CNNM1: variants seen among roughly 807,000 people sequenced by gnomAD.
CNNM1 encodes cyclin and CBS domain divalent metal cation transport mediator 1.
In CNNM1, 44 loss-of-function variants were observed where a neutral mutation model predicts 78.8. The ratio of observed to expected loss-of-function variants is 0.56; its 90% CI spans 0.44 to 0.72. The LOEUF is 0.72. Ranked by LOEUF, CNNM1 falls within the 30% of genes least tolerant of loss-of-function variation. The probability of loss-of-function intolerance (pLI) is 0.00; values close to 1 mark genes in which losing one functional copy is unlikely to be tolerated. For synonymous variants in CNNM1, 584 were observed against 581.5 expected, an observed-to-expected ratio of 1.00 and a Z score of -0.06; for missense variants, 1,101 against 1,292.2, an observed-to-expected ratio of 0.85 and a Z score of 2.27.
chr10:99,343,956 C>T (rs1427261414), intron 1 of CNNM1, among the ~76,000 whole-genome samples: 1 of 150,958 alleles, frequency 6.6e-6, no homozygotes, highest in Non-Finnish European at 1.5e-5. Context: ...CTCCTGACCT[C>T]AGGTGATCAG....
At chr10:99,357,214 T>C (rs2031252946) in intron 1 of CNNM1, among the ~76,000 whole-genome samples, 1 of 152,182 alleles carries the variant, frequency 6.6e-6, no homozygotes, top group Non-Finnish European at 1.5e-5. Context: ...AATTAGTATA[T>C]ATTATATCAG....
chr10:99,365,232 T>C (rs937697022), intron 6 of CNNM1: 23 of 625,210 alleles, frequency 3.7e-5, no homozygotes, highest in African/African-American at 5.5e-5. Flanking sequence ...GCTCACATGG[T>C]TGGGGGGATG....
At chr10:99,350,826 C>A (rs1202689196) in intron 1 of CNNM1, among the ~76,000 whole-genome samples, 1 of 151,558 alleles carries the variant, frequency 6.6e-6, no homozygotes, top group Admixed American at 6.6e-5. Flanking sequence ...CCAGGGCTTT[C>A]GACCTCAATA....
intron 2 of CNNM1, among the ~76,000 whole-genome samples, chr10:99,358,688 C>G (rs563760292): frequency 2.0e-5 from 3 of 152,206 alleles, no homozygotes; most frequent in Non-Finnish European, 4.4e-5. Flanking sequence ...AGAGCCTGGG[C>G]ACTGCTGTGC....
chr10:99,379,882 C>T (rs1048235389), intron 7 of CNNM1, among the ~76,000 whole-genome samples: 3 of 152,154 alleles, frequency 2.0e-5, no homozygotes, highest in Admixed American at 1.3e-4. Context: ...ATTTATTTCT[C>T]ACCATTCTGG....
rs757486923 is a variant in CNNM1, at chr10:99,364,494, C to T, written c.2106C>T (p.Ala702=). 6.2e-7 allele frequency: 1 copy of T among 1,611,756 alleles called. No homozygotes were observed. The highest frequency in any genetic ancestry group is 8.5e-7 in the Non-Finnish European group (1 of 1,179,014). The part of the protein sequence containing the change: ...NGAFTYYGVP[A]IMTTACSDND... ...CCTTTACTTACTATGGCGTCCCAGCCATCATGACCACTGCTTGCTCAGGTA... is the reference window on the plus strand; with the variant it reads ...CCTTTACTTACTATGGCGTCCCAGCTATCATGACCACTGCTTGCTCAGGTA... Residue 702 remains alanine, a synonymous_variant, in exon 5 of 11, where the codon GCC becomes GCT. Transcript: ENST00000356713.
chr10:99,342,777 C>G (rs1226923816), intron 1 of CNNM1, among the ~76,000 whole-genome samples: 1 of 151,932 alleles, frequency 6.6e-6, no homozygotes, highest in Non-Finnish European at 1.5e-5. Context: ...ATTAGGAGCT[C>G]AGAGCCCTTT....
chr10:99,362,502 G>A, intron 4 of CNNM1, 106 bp downstream of exon 4: 1 of 1,224,584 alleles, frequency 8.2e-7, no homozygotes, highest in Non-Finnish European at 1.1e-6. Context: ...TTGGCTGGCT[G>A]CCTCAGCAAC....
intron 7 of CNNM1, among the ~76,000 whole-genome samples, chr10:99,386,909 G>A (rs774320735): frequency 3.3e-5 from 5 of 152,212 alleles, no homozygotes; most frequent in Non-Finnish European, 5.9e-5. Context: ...GTGAAGGAGG[G>A]ATGAAAACGC....
At position 99,390,340 on chromosome 10, in the gene CNNM1, T is replaced by C. The variant is rs2032437051; in HGVS notation, c.2709T>C (p.Asp903=). The change falls in exon 10 of 11, where the codon GAT becomes GAC. Residue 903 remains aspartate, a synonymous_variant. Transcript: ENST00000356713. ...GTGAATGTTGTAACATCAACCTGGA[T>C]ACAGAGACCAGCCCCTGCAGTAGCG... ...SDSECCNINL[D]TETSPCSSDF... is the part of the protein sequence containing the mutation. 3.7e-6 allele frequency: 6 copies of C among 1,613,320 alleles called. No homozygotes were observed. Among genetic ancestry groups the C allele is most frequent in the Non-Finnish European group, 5.1e-6 (6 of 1,179,660 alleles).
intron 1 of CNNM1, among the ~76,000 whole-genome samples, chr10:99,356,408 G>A (rs551799303): frequency 4.6e-5 from 7 of 151,614 alleles, no homozygotes; most frequent in East Asian, 3.9e-4. Context: ...CCCGGAAGGC[G>A]GAGGTTGCAG....
chr10:99,393,554 A>G lies in CNNM1; in HGVS notation c.*2038A>G, dbSNP rs971858964. 1.3e-5 allele frequency: 2 copies of G among 152,656 alleles called. No individual in the cohort carries two copies. The highest frequency in any genetic ancestry group is 4.8e-5 in the African/African-American group (2 of 41,450). The allele number at this position is 152,656 out of a possible 1,614,324, so 9.5% of individuals were successfully genotyped here. On this transcript the variant is annotated 3_prime_UTR_variant, in exon 11 of 11. Transcript: ENST00000356713. ...AAACACTACTATTTTAAATAGTGGA[A>G]CTTTCAGCCCAGCGTTTCTGCAATG... is the stretch of plus-strand genomic sequence containing the variant.
At chr10:99,373,179 T>A (rs1215436957) in intron 6 of CNNM1, among the ~76,000 whole-genome samples, 1 of 152,202 alleles carries the variant, frequency 6.6e-6, no homozygotes, top group African/African-American at 2.4e-5. Flanking sequence ...CCCTGTTGTC[T>A]TCCCTGAACA....
chr10:99,362,152 C>T, intron 3 of CNNM1, 75 bp from the exon 4 acceptor site: 2 of 1,401,224 alleles, frequency 1.4e-6, no homozygotes, highest in South Asian at 2.9e-5. Flanking sequence ...ACTCTGACTC[C>T]TCCCAGCTGC....
intron 7 of CNNM1, among the ~76,000 whole-genome samples, chr10:99,379,376 G>C (rs1212192627): frequency 6.6e-6 from 1 of 152,184 alleles, no homozygotes; most frequent in Non-Finnish European, 1.5e-5. Flanking sequence ...TCAGTGATTG[G>C]GCAGAGAAGG....
chr10:99,335,724 A>G (rs778817122), intron 1 of CNNM1, among the ~76,000 whole-genome samples: 7 of 152,206 alleles, frequency 4.6e-5, no homozygotes, highest in South Asian at 2.1e-4. Flanking sequence ...AGAAAATAGC[A>G]TAGACTGGTG....
At chr10:99,377,960 C>CTTTT (rs66722952) in intron 7 of CNNM1, among the ~76,000 whole-genome samples, 5 of 89,644 alleles carry the variant, frequency 5.6e-5, no homozygotes, top group South Asian at 8.1e-4. Flanking sequence ...TCCATAGGTT[C>CTTTT]TTTTTTTTTT....
chr10:99,340,030 A>G (rs2030369584), intron 1 of CNNM1, among the ~76,000 whole-genome samples: 1 of 152,218 alleles, frequency 6.6e-6, no homozygotes, highest in Non-Finnish European at 1.5e-5. Flanking sequence ...AATTAGTAAA[A>G]TTTGTAATGA....
chr10:99,394,289 T>A lies in CNNM1; in HGVS notation c.*2773T>A, dbSNP rs2032558811. 1 of 152,250 alleles carries A rather than the reference T, an allele frequency of 6.6e-6. No individual in the cohort carries two copies. The highest frequency in any genetic ancestry group is 1.5e-5 in the Non-Finnish European group (1 of 68,034). 9.4% of individuals were successfully genotyped at this position (152,250 alleles called of 1,614,324 possible). On this transcript the variant is annotated 3_prime_UTR_variant, in exon 11 of 11. Transcript: ENST00000356713. Reference sequence around the variant, plus strand: ...AAGCATTTATGAAGGCTTAATAAATTGTAAATAATTTTTAAATAAAATGAA... The same window carrying A: ...AAGCATTTATGAAGGCTTAATAAATAGTAAATAATTTTTAAATAAAATGAA...
Sources: gnomAD v4.1 joint callset for allele counts (sites outside exome capture counted in the v4.1 genomes callset) on GRCh38, gnomAD v4.1.1 for gene constraint, MANE v1.5 for transcripts, NCBI Gene and HGNC (gene_info 2026-07-23, HGNC 2026-07-21) for gene names.